The following NDC80 variants were observed in gnomAD, a reference collection of about 807,000 sequenced individuals.
The protein encoded by NDC80 is NDC80 kinetochore complex component, also known as kinetochore protein NDC80 homolog.
NDC80 carries 69 observed loss-of-function variants against 89.3 expected under a neutral mutation model. The observed-to-expected ratio is 0.77, with a 90% CI of 0.64 to 0.94. The LOEUF (loss-of-function observed/expected upper bound fraction) is 0.94, where lower values mean the gene tolerates loss of function less well. Ranked by LOEUF, NDC80 falls within the 40% of genes least tolerant of loss-of-function variation. The pLI is 0.00. For missense variants in NDC80, 593 were observed against 739.6 expected (o/e 0.80, Z 2.30); for synonymous variants, 243 against 255.6 (o/e 0.95, Z 0.47).
At chr18:2,606,343 AAAACTCTAT>A in intron 13 of NDC80, 63 bp from the exon 14 acceptor site, 1 of 1,003,966 alleles carries the variant, frequency 1.0e-6, no homozygotes, top group Non-Finnish European at 1.4e-6. Context: ...TGATAATATA[AAAACTCTAT>A]AACTTGTTAA....
chr18:2,577,915 T>C lies in NDC80; in HGVS notation c.303+46T>C, dbSNP rs752108368. On this transcript the variant is annotated intron_variant, in intron 4 of 16. Transcript: ENST00000261597. ...AAACTGTGATTGTTGTCATAGGTAT[T>C]TTCCAATAATTTTCCATTACAAAAC... 22 of 1,608,952 alleles carry C rather than the reference T, an allele frequency of 1.4e-5. 1 individual carries two copies. In the South Asian group the frequency reaches 2.4e-4, roughly 18 times the overall value.
intron 3 of NDC80, among the ~76,000 whole-genome samples, chr18:2,576,630 G>A (rs1486127140): frequency 3.3e-5 from 5 of 152,200 alleles, no homozygotes; most frequent in South Asian, 4.1e-4. Context: ...TGGTTGTCTA[G>A]GCTGCAGGTT....
Position 2,610,850 on chromosome 18 carries a change from G to C in NDC80, c.1780G>C (p.Gly594Arg). The change falls in exon 16 of 17, where the codon GGG becomes CGG. Residue 594 changes from glycine to arginine, a missense_variant. Physicochemically the swap from Gly to Arg is moderately radical, Grantham distance 125 (BLOSUM62 -2). Coordinates refer to ENST00000261597, the MANE Select transcript of NDC80 (RefSeq NM_006101.3). ...RLLEMVATHV[G>R]SVEKHLEEQI... ...GTTAGAGATGGTTGCTACACATGTT[G>C]GGTCTGTAGAGGTAAGTATGTGATG... The C allele has an allele frequency of 6.4e-7, 1 of 1,550,806 alleles. No homozygotes were observed. Among genetic ancestry groups the C allele is most frequent in the Non-Finnish European group, 8.8e-7 (1 of 1,137,960 alleles).
At chr18:2,612,957 A>G (rs1418132691) in intron 16 of NDC80, among the ~76,000 whole-genome samples, 2 of 152,262 alleles carry the variant, frequency 1.3e-5, no homozygotes, top group African/African-American at 2.4e-5. Flanking sequence ...GAAACTTTAC[A>G]ATGAGTAATC....
At chr18:2,594,606 AAGTC>A (rs146620187) in intron 10 of NDC80, 9,522 of 159,368 alleles carry the variant, frequency 0.06, 490 homozygotes, top group African/African-American at 0.14. Flanking sequence ...TAGCCTGCAC[AAGTC>A]AGTTCATTTT....
intron 16 of NDC80, among the ~76,000 whole-genome samples, chr18:2,611,194 G>C (rs1168210285): frequency 6.6e-6 from 1 of 151,840 alleles, no homozygotes; most frequent in Admixed American, 6.6e-5. Context: ...GATTACAGGA[G>C]CCTGCCACCA....
chr18:2,607,663 G>A (rs1016109193), intron 14 of NDC80, among the ~76,000 whole-genome samples: 1 of 151,552 alleles, frequency 6.6e-6, no homozygotes, highest in South Asian at 2.1e-4. Flanking sequence ...ATTTTTTAAA[G>A]GAAAAAGTAT....
chr18:2,598,914 A>T, intron 11 of NDC80, 105 bp from the exon 12 acceptor site: 1 of 1,140,460 alleles, frequency 8.8e-7, no homozygotes, highest in African/African-American at 1.6e-5. Flanking sequence ...GTAAACTACT[A>T]AAAATAGGTG....
chr18:2,607,032 AT>A (rs1334316019), intron 14 of NDC80, among the ~76,000 whole-genome samples: 1 of 152,180 alleles, frequency 6.6e-6, no homozygotes, highest in Non-Finnish European at 1.5e-5. Context: ...AGATGACTCT[AT>A]TCATTACCAC....
At chr18:2,593,489 C>T (rs887767527) in intron 10 of NDC80, among the ~76,000 whole-genome samples, 3 of 152,120 alleles carry the variant, frequency 2.0e-5, no homozygotes, top group Admixed American at 6.5e-5. Flanking sequence ...AATATTTTTC[C>T]ACTTCAATGT....
chr18:2,589,342 A>T, intron 9 of NDC80, 32 bp downstream of exon 9: 1 of 1,471,342 alleles, frequency 6.8e-7, no homozygotes, highest in Non-Finnish European at 9.5e-7. Context: ...CTTACTTGAG[A>T]GCTCTTTTAG....
chr18:2,577,985 G>A lies in NDC80; in HGVS notation c.320G>A (p.Gly107Asp), dbSNP rs776233550. Reference protein sequence around the residue: ...RQLCEFLTENGYAHNVSMKSL... With the variant: ...RQLCEFLTENDYAHNVSMKSL... ...TTATTGTAGTTTCTTACAGAAAATG[G>A]TTATGCACATAATGTGTCCATGAAA... Residue 107 changes from glycine (G) to aspartate (D), a missense_variant, in exon 5 of 17, where the codon GGT becomes GAT. Physicochemically the swap from Gly to Asp is moderately conservative, Grantham distance 94 (BLOSUM62 -1). Coordinates refer to ENST00000261597, the MANE Select transcript of NDC80 (RefSeq NM_006101.3). 1.9e-6 allele frequency: 3 copies of A among 1,613,384 alleles called. No homozygotes were observed. Among genetic ancestry groups the A allele is most frequent in the Non-Finnish European group, 1.7e-6 (2 of 1,179,810 alleles).
chr18:2,592,271 T>C (rs2072631382), intron 10 of NDC80, among the ~76,000 whole-genome samples: 1 of 152,154 alleles, frequency 6.6e-6, no homozygotes, highest in Admixed American at 6.5e-5. Context: ...ATTCTATGAG[T>C]GTTTGAACTT....
At chr18:2,586,956 G>T (rs187251482) in intron 7 of NDC80, among the ~76,000 whole-genome samples, 124 of 152,236 alleles carry the variant, frequency 8.1e-4, no homozygotes, top group African/African-American at 2.9e-3. Context: ...AAACCTATAA[G>T]ATCAAAATTG....
intron 4 of NDC80, 39 bp downstream of exon 4, chr18:2,577,908 T>G: frequency 6.2e-7 from 1 of 1,610,244 alleles, no homozygotes; most frequent in Non-Finnish European, 8.5e-7. Context: ...ATTGTTGTCA[T>G]AGGTATTTTC....
Position 2,577,878 on chromosome 18 carries a change from G to A in NDC80, c.303+9G>A. The A allele has an allele frequency of 6.2e-7, 1 of 1,613,120 alleles. No homozygotes were observed. Among genetic ancestry groups the A allele is most frequent in the Non-Finnish European group, 8.5e-7 (1 of 1,179,578 alleles). On this transcript the variant is annotated intron_variant, in intron 4 of 16. Coordinates refer to ENST00000261597, the MANE Select transcript of NDC80 (RefSeq NM_006101.3). The stretch of plus-strand genomic sequence containing the variant: ...TTCGACAACTCTGTGAGGTACTTTA[G>A]GATTTTAATCTAAACTGTGATTGTT...
intron 13 of NDC80, among the ~76,000 whole-genome samples, chr18:2,603,316 C>A (rs961317523): frequency 7.2e-6 from 1 of 139,658 alleles, no homozygotes. Flanking sequence ...AAAAAGTGGA[C>A]AAAATTAGTT....
intron 13 of NDC80, 82 bp downstream of exon 13, chr18:2,601,567 A>G (rs534786970): frequency 1.7e-6 from 1 of 574,376 alleles, no homozygotes; most frequent in South Asian, 3.9e-5. Flanking sequence ...ATGGTTTCTG[A>G]TTGCTAAGGA....
chr18:2,604,461 T>C (rs888876641), intron 13 of NDC80, among the ~76,000 whole-genome samples: 1 of 152,176 alleles, frequency 6.6e-6, no homozygotes, highest in African/African-American at 2.4e-5. Flanking sequence ...GGCGGGTGGA[T>C]GGCTTGAGCT....
Sources: allele counts gnomAD v4.1 joint callset (sites outside exome capture counted in the v4.1 genomes callset), GRCh38; gene constraint gnomAD v4.1.1; transcripts MANE v1.5; gene names NCBI Gene and HGNC (gene_info 2026-07-23, HGNC 2026-07-21).